Variants in LGSN observed in about 807,000 individuals in gnomAD.
The protein encoded by LGSN is lengsin, lens protein with glutamine synthetase domain, also known as lengsin.
A neutral mutation model predicts 19.5 loss-of-function variants in LGSN; 21 were observed. That is an observed-to-expected ratio of 1.07 (90% CI 0.76 to 1.55). The LOEUF is 1.55. LGSN is among the 40% of genes most tolerant of loss of function. The probability of loss-of-function intolerance (pLI) is 0.00; values close to 1 mark genes in which losing one functional copy is unlikely to be tolerated. For missense variants in LGSN, 673 were observed against 608.5 expected, an observed-to-expected ratio of 1.11 and a Z score of -1.12; for synonymous variants, 257 against 215.6, an observed-to-expected ratio of 1.19 and a Z score of -1.68.
chr6:63,449,535 C>T, the LGSN span, among the ~76,000 whole-genome samples: 4 of 148,528 alleles, frequency 2.7e-5, no homozygotes, highest in Non-Finnish European at 5.9e-5. Context: ...CAGAGCGAGA[C>T]TCCGTCAAAA....
chr6:63,309,128 A>G (rs1424523858), intron 1 of LGSN, among the ~76,000 whole-genome samples: 1 of 152,174 alleles, frequency 6.6e-6, no homozygotes, highest in Admixed American at 6.5e-5. Context: ...CAAGTGATTT[A>G]CCATTTAAAA....
the LGSN span, among the ~76,000 whole-genome samples, chr6:63,529,137 G>GTATATATATGTGTATA: frequency 7.3e-6 from 1 of 136,794 alleles, no homozygotes; most frequent in African/African-American, 2.8e-5. Flanking sequence ...ATATGTGTGT[G>GTATATATATGTGTATA]TATATATATA....
At chr6:63,308,870 A>G (rs1194528515) in intron 1 of LGSN, among the ~76,000 whole-genome samples, 1 of 152,234 alleles carries the variant, frequency 6.6e-6, no homozygotes, top group Non-Finnish European at 1.5e-5. Flanking sequence ...CTTCAAAGAA[A>G]AAAGAAAGAA....
At chr6:63,461,028 C>G in the LGSN span, among the ~76,000 whole-genome samples, 1 of 152,062 alleles carries the variant, frequency 6.6e-6, no homozygotes, top group Non-Finnish European at 1.5e-5. Flanking sequence ...GGGGCCACTG[C>G]CATGCCATCT....
At chr6:63,393,284 C>T in the LGSN span, among the ~76,000 whole-genome samples, 3 of 151,952 alleles carry the variant, frequency 2.0e-5, no homozygotes. Flanking sequence ...TCTCCTGCCT[C>T]AGCCTCTCCT....
chr6:63,497,076 A>G, the LGSN span, among the ~76,000 whole-genome samples: 1 of 152,050 alleles, frequency 6.6e-6, no homozygotes, highest in East Asian at 1.9e-4. Context: ...GGCTCAAGCA[A>G]TCCTCCTGCC....
the LGSN span, among the ~76,000 whole-genome samples, chr6:63,531,866 C>T: frequency 6.6e-6 from 1 of 150,406 alleles, no homozygotes; most frequent in Non-Finnish European, 1.5e-5. Context: ...CTTGCTCTAT[C>T]ACCCAGGCTC....
At chr6:63,524,348 A>G in the LGSN span, among the ~76,000 whole-genome samples, 1 of 152,184 alleles carries the variant, frequency 6.6e-6, no homozygotes, top group Non-Finnish European at 1.5e-5. Flanking sequence ...TTAATGACAC[A>G]TATTTGTATG....
chr6:63,301,667 T>A lies in LGSN; in HGVS notation c.31-6622A>T, dbSNP rs369429163. 6.7e-4 allele frequency among the ~76,000 whole-genome samples: 102 copies of A among 152,274 alleles called. 1 individual carries two copies. Among genetic ancestry groups the A allele is most frequent in the African/African-American group, 2.4e-3 (101 of 41,582 alleles). On this transcript the variant is annotated intron_variant, in intron 1 of 3. Transcript: ENST00000370657. ...CTGCAGAGTTCACAGGGGAAAAAAGTAAAATTCTGTTTTCTCCTTTGAATA... is the reference window on the plus strand; with the variant it reads ...CTGCAGAGTTCACAGGGGAAAAAAGAAAAATTCTGTTTTCTCCTTTGAATA...
chr6:63,306,748 AG>A (rs1350526105), intron 1 of LGSN, among the ~76,000 whole-genome samples: 1 of 152,234 alleles, frequency 6.6e-6, no homozygotes, highest in East Asian at 1.9e-4. Context: ...CGAACGCAGT[AG>A]TTGATAGCCC....
At chr6:63,466,662 G>T in the LGSN span, among the ~76,000 whole-genome samples, 1 of 152,170 alleles carries the variant, frequency 6.6e-6, no homozygotes, top group East Asian at 1.9e-4. Context: ...GTGGAAATTG[G>T]AGATAAGAGA....
the LGSN span, among the ~76,000 whole-genome samples, chr6:63,340,924 T>G: frequency 2.6e-5 from 4 of 152,040 alleles, no homozygotes; most frequent in African/African-American, 7.2e-5. Context: ...AATTTATGGA[T>G]TGGTTTTTAT....
At chr6:63,331,101 G>C in the LGSN span, among the ~76,000 whole-genome samples, 1 of 152,106 alleles carries the variant, frequency 6.6e-6, no homozygotes. Context: ...TCCTTTTGGA[G>C]ATTTCTTTGC....
the LGSN span, among the ~76,000 whole-genome samples, chr6:63,482,457 A>C: frequency 6.6e-6 from 1 of 152,204 alleles, no homozygotes; most frequent in Non-Finnish European, 1.5e-5. Flanking sequence ...GGCCAGGCAC[A>C]GTAGCTCACG....
the LGSN span, among the ~76,000 whole-genome samples, chr6:63,463,255 G>C: frequency 1.3e-5 from 2 of 152,178 alleles, no homozygotes; most frequent in Admixed American, 6.5e-5. Context: ...ATCTAGGATA[G>C]TACCTGACAT....
chr6:63,293,462 A>T (rs779886615), intron 2 of LGSN, among the ~76,000 whole-genome samples: 26 of 152,140 alleles, frequency 1.7e-4, no homozygotes, highest in Non-Finnish European at 3.1e-4. Flanking sequence ...CAACCCCTCT[A>T]TTTTCCAGAT....
chr6:63,376,585 T>C, the LGSN span, among the ~76,000 whole-genome samples: 1 of 152,202 alleles, frequency 6.6e-6, no homozygotes, highest in African/African-American at 2.4e-5. Flanking sequence ...TTTTCTGAGC[T>C]TCTAGAAAAC....
At chr6:63,570,901 G>T in the LGSN span, 6 of 152,170 alleles carry the variant, frequency 3.9e-5, no homozygotes, top group South Asian at 1.2e-3. Context: ...TATGAAATCT[G>T]TCCCTTTTTT....
chr6:63,572,060 G>T, the LGSN span: 6 of 152,264 alleles, frequency 3.9e-5, no homozygotes, highest in Non-Finnish European at 8.8e-5. Flanking sequence ...ACACTGAGAC[G>T]CGGTTCCAGC....
Sources: allele counts gnomAD v4.1 joint callset (sites outside exome capture counted in the v4.1 genomes callset), GRCh38; gene constraint gnomAD v4.1.1; transcripts MANE v1.5; gene names NCBI Gene and HGNC (gene_info 2026-07-23, HGNC 2026-07-21).